ABTB3: variants seen among roughly 807,000 people sequenced by gnomAD.
ABTB3 encodes ankyrin repeat and BTB domain containing 3.
At chr12:107,410,097 G>A in the ABTB3 span, among the ~76,000 whole-genome samples, 4,168 of 152,046 alleles carry the variant, frequency 0.027, 78 homozygotes, top group African/African-American at 0.042. Flanking sequence ...AAGCCTTCCA[G>A]AGCACATCGG....
the ABTB3 span, among the ~76,000 whole-genome samples, chr12:107,509,006 G>A: frequency 6.6e-6 from 1 of 152,192 alleles, no homozygotes; most frequent in East Asian, 1.9e-4. Context: ...TTCCATGCCT[G>A]GAAGTTCTGA....
chr12:107,432,402 T>C, the ABTB3 span, among the ~76,000 whole-genome samples: 2 of 152,234 alleles, frequency 1.3e-5, no homozygotes, highest in African/African-American at 4.8e-5. Flanking sequence ...GACAGGCCTG[T>C]CAGCTCCTTC....
chr12:107,515,125 C>T, the ABTB3 span, among the ~76,000 whole-genome samples: 1 of 152,204 alleles, frequency 6.6e-6, no homozygotes, highest in Non-Finnish European at 1.5e-5. Flanking sequence ...ATTCTATGAC[C>T]TGCCGAAAGT....
chr12:107,641,783 G>A, the ABTB3 span, among the ~76,000 whole-genome samples: 2,461 of 152,334 alleles, frequency 0.016, 63 homozygotes, highest in South Asian at 0.069. Context: ...CCATGAAGGT[G>A]GCGGCCACGT....
chr12:107,448,638 TTTCTTTC>T, the ABTB3 span, among the ~76,000 whole-genome samples: 1 of 144,180 alleles, frequency 6.9e-6, no homozygotes, highest in African/African-American at 2.6e-5. Flanking sequence ...TCTTTCTTTC[TTTCTTTC>T]TTTTTTTTTT....
chr12:107,525,625 A>G, the ABTB3 span, among the ~76,000 whole-genome samples: 1 of 152,208 alleles, frequency 6.6e-6, no homozygotes, highest in Non-Finnish European at 1.5e-5. Flanking sequence ...CATATTTCTC[A>G]GAACCCATCC....
chr12:107,601,447 GTA>G, the ABTB3 span, among the ~76,000 whole-genome samples: 49,424 of 152,056 alleles, frequency 0.33, 9,412 homozygotes, highest in African/African-American at 0.54. Context: ...AATAAAGGGT[GTA>G]GTGTTTCTAT....
chr12:107,452,444 G>A, the ABTB3 span, among the ~76,000 whole-genome samples: 2 of 151,974 alleles, frequency 1.3e-5, no homozygotes, highest in East Asian at 3.9e-4. Context: ...CTGACTTCGT[G>A]ATCCGCCTGC....
chr12:107,473,093 T>A, the ABTB3 span, among the ~76,000 whole-genome samples: 1 of 152,198 alleles, frequency 6.6e-6, no homozygotes, highest in Non-Finnish European at 1.5e-5. Flanking sequence ...GTGGCAGCTT[T>A]GTGGATCCTT....
chr12:107,582,853 C>T, the ABTB3 span, among the ~76,000 whole-genome samples: 2 of 152,210 alleles, frequency 1.3e-5, no homozygotes, highest in African/African-American at 4.8e-5. Flanking sequence ...GCCCCCATCG[C>T]CAACCTGGAT....
the ABTB3 span, among the ~76,000 whole-genome samples, chr12:107,555,018 T>C: frequency 6.6e-6 from 1 of 152,292 alleles, no homozygotes; most frequent in African/African-American, 2.4e-5. Context: ...TGGATCCCTC[T>C]GCAGTTTGCT....
At chr12:107,554,392 A>G in the ABTB3 span, among the ~76,000 whole-genome samples, 5 of 152,098 alleles carry the variant, frequency 3.3e-5, no homozygotes, top group Non-Finnish European at 1.5e-5. Flanking sequence ...GTGAATATTC[A>G]GAGCTCTAAT....
At chr12:107,482,886 C>G in the ABTB3 span, among the ~76,000 whole-genome samples, 1 of 136,744 alleles carries the variant, frequency 7.3e-6, no homozygotes, top group Non-Finnish European at 1.7e-5. Flanking sequence ...TTCTTTTCTT[C>G]TCTCGTTCTC....
chr12:107,471,255 G>A, the ABTB3 span, among the ~76,000 whole-genome samples: 1 of 152,158 alleles, frequency 6.6e-6, no homozygotes, highest in Non-Finnish European at 1.5e-5. Flanking sequence ...AGGAAACCAA[G>A]GCACAAAGAA....
At chr12:107,508,861 G>A in the ABTB3 span, among the ~76,000 whole-genome samples, 3 of 152,178 alleles carry the variant, frequency 2.0e-5, no homozygotes, top group Non-Finnish European at 2.9e-5. Context: ...CTGTTTAGGG[G>A]ACAAGGGAAA....
At chr12:107,558,596 A>G in the ABTB3 span, among the ~76,000 whole-genome samples, 7 of 152,118 alleles carry the variant, frequency 4.6e-5, no homozygotes, top group African/African-American at 1.7e-4. Context: ...GCCTCTGCTC[A>G]TCCTTCAGGA....
At chr12:107,331,023 G>T in the ABTB3 span, among the ~76,000 whole-genome samples, 1 of 152,210 alleles carries the variant, frequency 6.6e-6, no homozygotes, top group Non-Finnish European at 1.5e-5. Context: ...CTCTGAGGTT[G>T]AGGCTGCATG....
the ABTB3 span, among the ~76,000 whole-genome samples, chr12:107,546,403 A>G: frequency 0.3 from 46,051 of 151,998 alleles, 7,223 homozygotes; most frequent in African/African-American, 0.37. Flanking sequence ...TGGTCACCCC[A>G]GTCAGAAAAC....
chr12:107,484,750 GGTGCTACTTCT>G, the ABTB3 span, among the ~76,000 whole-genome samples: 1 of 152,174 alleles, frequency 6.6e-6, no homozygotes, highest in Non-Finnish European at 1.5e-5. Flanking sequence ...GTCAGGACCA[GGTGCTACTTCT>G]GTGGGTATTG....
Sources: allele counts gnomAD v4.1 joint callset (sites outside exome capture counted in the v4.1 genomes callset), GRCh38; gene constraint gnomAD v4.1.1; transcripts MANE v1.5; gene names NCBI Gene and HGNC (gene_info 2026-07-23, HGNC 2026-07-21).